FRMD4A: variants seen among roughly 807,000 people sequenced by gnomAD.
The protein encoded by FRMD4A is FERM domain containing 4A, also known as FERM domain-containing protein 4A.
In FRMD4A, 29 loss-of-function variants were observed where a neutral mutation model predicts 129.1. The observed-to-expected ratio is 0.22, with a 90% CI of 0.17 to 0.31. The LOEUF is 0.31. Ranked by LOEUF, FRMD4A falls within the 10% of genes least tolerant of loss-of-function variation. The probability of loss-of-function intolerance (pLI) is 1.00; values close to 1 mark genes in which losing one functional copy is unlikely to be tolerated. For synonymous variants in FRMD4A, 634 were observed against 571.6 expected (o/e 1.11, Z -1.56); for missense variants, 1,272 against 1,375.8 (o/e 0.92, Z 1.19).
At chr10:14,173,433 T>C (rs1841577194) in intron 2 of FRMD4A, among the ~76,000 whole-genome samples, 1 of 152,150 alleles carries the variant, frequency 6.6e-6, no homozygotes, top group Non-Finnish European at 1.5e-5. Flanking sequence ...AAGTTCAAGA[T>C]GTCAGGCTAG....
intron 2 of FRMD4A, among the ~76,000 whole-genome samples, chr10:14,235,651 C>A (rs1843787003): frequency 6.6e-6 from 1 of 152,238 alleles, no homozygotes; most frequent in Non-Finnish European, 1.5e-5. Flanking sequence ...GCCACGGGTT[C>A]AGTGGGTGGG....
intron 3 of FRMD4A, among the ~76,000 whole-genome samples, chr10:13,811,248 G>C (rs1368257148): frequency 1.3e-5 from 2 of 148,350 alleles, no homozygotes; most frequent in Non-Finnish European, 3.0e-5. Flanking sequence ...CGATTCTCAT[G>C]CCTCAGCCTC....
intron 18 of FRMD4A, among the ~76,000 whole-genome samples, chr10:13,664,944 G>A (rs772024384): frequency 3.9e-5 from 6 of 152,032 alleles, no homozygotes; most frequent in Non-Finnish European, 7.4e-5. Flanking sequence ...GTGCAATGTC[G>A]CAATCTCAGC....
At chr10:14,108,013 C>T (rs1837675759) in intron 2 of FRMD4A, among the ~76,000 whole-genome samples, 1 of 152,168 alleles carries the variant, frequency 6.6e-6, no homozygotes. Context: ...TTTTGCTATA[C>T]ATGTTGTCAA....
At chr10:13,867,791 A>C (rs955866303) in intron 2 of FRMD4A, among the ~76,000 whole-genome samples, 2 of 134,358 alleles carry the variant, frequency 1.5e-5, no homozygotes, top group African/African-American at 5.6e-5. Flanking sequence ...TAAATATATA[A>C]TATAATATAT....
At chr10:13,653,928 T>C (rs145005334) in intron 23 of FRMD4A, 3 of 189,180 alleles carry the variant, frequency 1.6e-5, no homozygotes, top group Non-Finnish European at 3.2e-5. Context: ...CTGATCTCTT[T>C]TGTGTGTTGA....
rs1459240229 is a variant in FRMD4A, at chr10:13,837,224, A to G, written c.111+21623T>C. On this transcript the variant is annotated intron_variant, in intron 3 of 24. Coordinates refer to ENST00000357447, the MANE Select transcript of FRMD4A (RefSeq NM_018027.5). ...CTCAAGGGGGTTGCTCTTTGAGACA[A>G]CCACCCAAAATTACAAATACCAGTT... Among the ~76,000 whole-genome samples the G allele has an allele frequency of 2.0e-5, 3 of 152,078 alleles. No homozygotes were observed. The East Asian group carries it at 5.8e-4, about 29-fold the overall frequency.
At chr10:13,799,254 T>C (rs1210842031) in intron 4 of FRMD4A, among the ~76,000 whole-genome samples, 2 of 152,110 alleles carry the variant, frequency 1.3e-5, no homozygotes, top group African/African-American at 4.8e-5. Context: ...GCCCTCCGGG[T>C]TCAAGTAATT....
rs145575830 is a variant in FRMD4A, at chr10:14,301,269, A to G, written c.45+28789T>C. Among the ~76,000 whole-genome samples the G allele has an allele frequency of 2.4e-3, 363 of 152,332 alleles. 1 individual carries two copies. Among genetic ancestry groups the G allele is most frequent in the African/African-American group, 8.2e-3 (341 of 41,576 alleles). On this transcript the variant is annotated intron_variant, in intron 2 of 24. Transcript: ENST00000357447. The stretch of plus-strand genomic sequence containing the variant: ...TTAATCTGTATCGTTCCCCTGGAAT[A>G]AACTCTAACCATGGGCATAATAGAC...
intron 2 of FRMD4A, among the ~76,000 whole-genome samples, chr10:14,103,553 G>C (rs1447100357): frequency 6.6e-6 from 1 of 152,126 alleles, no homozygotes; most frequent in Non-Finnish European, 1.5e-5. Flanking sequence ...TGTCGCAAAA[G>C]AGAAATAAAT....
chr10:13,746,704 C>A (rs1255423066), intron 9 of FRMD4A, among the ~76,000 whole-genome samples: 1 of 152,136 alleles, frequency 6.6e-6, no homozygotes, highest in African/African-American at 2.4e-5. Flanking sequence ...TTTTGTTTTG[C>A]TTTTAAATAA....
intron 3 of FRMD4A, among the ~76,000 whole-genome samples, chr10:13,850,868 A>G (rs772736336): frequency 3.3e-5 from 5 of 152,220 alleles, no homozygotes; most frequent in Non-Finnish European, 7.3e-5. Context: ...CTTGGCACCT[A>G]CTTTACACAG....
chr10:14,234,542 G>T lies in FRMD4A; in HGVS notation c.45+95516C>A, dbSNP rs12570760. On this transcript the variant is annotated intron_variant, in intron 2 of 24. Coordinates refer to ENST00000357447, the MANE Select transcript of FRMD4A (RefSeq NM_018027.5). ...AGATACAAGTCGGTGGCTCTATTTG[G>T]GGACGCCATAGCAGGGCTGGAATTC... 2.2e-3 allele frequency among the ~76,000 whole-genome samples: 334 copies of T among 152,260 alleles called. 6 individuals are homozygous for T. The East Asian group carries it at 0.053, about 24-fold the overall frequency.
chr10:14,035,381 C>T (rs1833449049), intron 2 of FRMD4A, among the ~76,000 whole-genome samples: 5 of 150,192 alleles, frequency 3.3e-5, no homozygotes, highest in Admixed American at 3.3e-4. Context: ...CATTACACTC[C>T]AGCCTGGGCA....
intron 2 of FRMD4A, among the ~76,000 whole-genome samples, chr10:14,218,058 G>A (rs1435646011): frequency 6.6e-6 from 1 of 152,096 alleles, no homozygotes; most frequent in Admixed American, 6.6e-5. Flanking sequence ...TCAAACTCCT[G>A]ACTTCAACTG....
intron 3 of FRMD4A, among the ~76,000 whole-genome samples, chr10:13,845,830 G>C (rs1197883951): frequency 6.6e-6 from 1 of 152,196 alleles, no homozygotes; most frequent in South Asian, 2.1e-4. Flanking sequence ...AGGAGGTTGT[G>C]CAAATGGCCA....
At chr10:14,183,275 T>C (rs1841970207) in intron 2 of FRMD4A, among the ~76,000 whole-genome samples, 1 of 152,238 alleles carries the variant, frequency 6.6e-6, no homozygotes, top group African/African-American at 2.4e-5. Flanking sequence ...CTTTATATCA[T>C]TAGTGGTGTC....
chr10:14,309,048 A>G (rs1846447860), intron 2 of FRMD4A, among the ~76,000 whole-genome samples: 1 of 152,192 alleles, frequency 6.6e-6, no homozygotes, highest in Non-Finnish European at 1.5e-5. Flanking sequence ...AATAAAAAGC[A>G]CTTTATGTAA....
chr10:14,292,467 C>T (rs1845879449), intron 2 of FRMD4A, among the ~76,000 whole-genome samples: 1 of 152,174 alleles, frequency 6.6e-6, no homozygotes, highest in South Asian at 2.1e-4. Flanking sequence ...TCCTCACATG[C>T]TACACAAAAT....
Sources: gnomAD v4.1 joint callset for allele counts (sites outside exome capture counted in the v4.1 genomes callset) on GRCh38, gnomAD v4.1.1 for gene constraint, MANE v1.5 for transcripts, NCBI Gene and HGNC (gene_info 2026-07-23, HGNC 2026-07-21) for gene names.